Variants in DPP10 observed in about 807,000 individuals in gnomAD.
The protein encoded by DPP10 is dipeptidyl peptidase like 10.
A neutral mutation model predicts 120.9 loss-of-function variants in DPP10; 33 were observed. The ratio of observed to expected loss-of-function variants is 0.27; its 90% CI spans 0.21 to 0.37. DPP10 has a LOEUF of 0.37. DPP10 is among the 10% of genes least tolerant of loss of function. The pLI is 1.00. For missense variants in DPP10, 816 were observed against 942.8 expected (o/e 0.87, Z 1.76); for synonymous variants, 337 against 326.1 (o/e 1.03, Z -0.36).
chr2:114,625,987 G>A (rs1212778388), intron 1 of DPP10, among the ~76,000 whole-genome samples: 1 of 150,950 alleles, frequency 6.6e-6, no homozygotes, highest in Non-Finnish European at 1.5e-5. Flanking sequence ...TGACAGAGCA[G>A]AGGATACTTT....
intron 1 of DPP10, among the ~76,000 whole-genome samples, chr2:114,735,361 G>A (rs990428752): frequency 4.6e-5 from 7 of 152,062 alleles, no homozygotes; most frequent in East Asian, 1.9e-4. Flanking sequence ...AAAGGCAGGC[G>A]TGAATTTCTT....
At chr2:114,477,805 A>G (rs1007017126) in intron 1 of DPP10, among the ~76,000 whole-genome samples, 1 of 151,088 alleles carries the variant, frequency 6.6e-6, no homozygotes, top group African/African-American at 2.4e-5. Context: ...ATGCACATAT[A>G]CATACATATG....
chr2:114,882,395 A>G (rs1691717708), intron 1 of DPP10, among the ~76,000 whole-genome samples: 1 of 152,126 alleles, frequency 6.6e-6, no homozygotes, highest in South Asian at 2.1e-4. Context: ...TCTAAGTGAA[A>G]TAACTCAGGA....
At chr2:115,481,129 G>A (rs937391994) in intron 3 of DPP10, among the ~76,000 whole-genome samples, 4 of 152,110 alleles carry the variant, frequency 2.6e-5, no homozygotes, top group African/African-American at 9.7e-5. Flanking sequence ...GAAAATATAT[G>A]TTCAAAAGGA....
intron 3 of DPP10, among the ~76,000 whole-genome samples, chr2:115,479,260 T>C (rs2075283874): frequency 1.3e-5 from 2 of 152,102 alleles, no homozygotes; most frequent in African/African-American, 4.8e-5. Context: ...TGCTACAACA[T>C]GGATGAACCC....
At chr2:114,486,419 A>G (rs1054527397) in intron 1 of DPP10, among the ~76,000 whole-genome samples, 10 of 152,200 alleles carry the variant, frequency 6.6e-5, no homozygotes, top group South Asian at 4.1e-4. Context: ...TAATTTTTTA[A>G]TAATATTTTA....
At chr2:115,052,102 G>A (rs988072364) in intron 1 of DPP10, among the ~76,000 whole-genome samples, 4 of 152,156 alleles carry the variant, frequency 2.6e-5, no homozygotes, top group African/African-American at 9.7e-5. Context: ...TCAACAAACA[G>A]TGCTGAGACA....
At chr2:115,013,677 A>T (rs1702425922) in intron 1 of DPP10, among the ~76,000 whole-genome samples, 2 of 151,194 alleles carry the variant, frequency 1.3e-5, no homozygotes, top group Admixed American at 1.3e-4. Context: ...AAAAAAAAAA[A>T]AGTACAGGGG....
At chr2:115,330,626 G>A (rs1217314266) in intron 2 of DPP10, among the ~76,000 whole-genome samples, 3 of 151,966 alleles carry the variant, frequency 2.0e-5, no homozygotes, top group African/African-American at 7.2e-5. Flanking sequence ...GTGTAAGGAA[G>A]GGATCCAGTT....
intron 1 of DPP10, among the ~76,000 whole-genome samples, chr2:115,275,856 C>T (rs1163534840): frequency 6.6e-6 from 1 of 152,014 alleles, no homozygotes; most frequent in Non-Finnish European, 1.5e-5. Flanking sequence ...CCTGCCACCA[C>T]GCCCGGCTAA....
At chr2:115,537,859 G>T (rs2078951848) in intron 5 of DPP10, among the ~76,000 whole-genome samples, 1 of 151,930 alleles carries the variant, frequency 6.6e-6, no homozygotes, top group Non-Finnish European at 1.5e-5. Context: ...GCTGAGCTGG[G>T]AGCTATACTT....
At chr2:114,759,655 C>T (rs1240474224) in intron 1 of DPP10, among the ~76,000 whole-genome samples, 1 of 151,802 alleles carries the variant, frequency 6.6e-6, no homozygotes, top group Non-Finnish European at 1.5e-5. Flanking sequence ...GTACTTTGGA[C>T]CAGAAAAGCA....
At chr2:115,148,122 T>G (rs985798300) in intron 1 of DPP10, among the ~76,000 whole-genome samples, 1 of 152,196 alleles carries the variant, frequency 6.6e-6, no homozygotes, top group African/African-American at 2.4e-5. Context: ...CAAGAGGCAT[T>G]GTCACCTGAA....
intron 1 of DPP10, among the ~76,000 whole-genome samples, chr2:114,832,604 T>C (rs544815658): frequency 6.6e-6 from 1 of 152,268 alleles, no homozygotes; most frequent in Non-Finnish European, 1.5e-5. Context: ...TTTGGATTGC[T>C]GTAAAATATT....
At chr2:115,394,887 C>T (rs750857990) in intron 3 of DPP10, among the ~76,000 whole-genome samples, 8 of 151,986 alleles carry the variant, frequency 5.3e-5, no homozygotes, top group South Asian at 2.1e-4. Flanking sequence ...GAATAATTCT[C>T]GATAATCAAC....
intron 8 of DPP10, among the ~76,000 whole-genome samples, chr2:115,731,273 G>A (rs144465862): frequency 0.017 from 2,553 of 151,958 alleles, 62 homozygotes; most frequent in African/African-American, 0.056. Flanking sequence ...CAGGAAAATC[G>A]CTTGAACCAG....
chr2:115,043,608 G>A (rs546131480), intron 1 of DPP10, among the ~76,000 whole-genome samples: 5 of 152,160 alleles, frequency 3.3e-5, no homozygotes, highest in Admixed American at 6.5e-5. Context: ...AATTAACTGC[G>A]TTCTAGATTT....
At position 115,275,649 on chromosome 2, in the gene DPP10, A is replaced by G. The variant is rs935085415; in HGVS notation, c.61-33590A>G. ...AAAAGTTTCTTTTTAAACCTAAGCC[A>G]TGGGAACAATTCTTCAGTTTTCATT... is the stretch of plus-strand genomic sequence containing the variant. On this transcript the variant is annotated intron_variant, in intron 1 of 25. Coordinates refer to ENST00000410059, the MANE Select transcript of DPP10 (RefSeq NM_020868.6). Among the ~76,000 whole-genome samples the G allele has an allele frequency of 2.6e-5, 4 of 151,302 alleles. No individual in the cohort carries two copies. The East Asian group carries it at 5.8e-4, about 22-fold the overall frequency.
intron 2 of DPP10, among the ~76,000 whole-genome samples, chr2:115,337,995 T>G (rs1212147058): frequency 6.6e-6 from 1 of 152,092 alleles, no homozygotes; most frequent in Non-Finnish European, 1.5e-5. Flanking sequence ...TGAATTGCTT[T>G]GAAGGGTTGG....
Sources: allele counts gnomAD v4.1 joint callset (sites outside exome capture counted in the v4.1 genomes callset), GRCh38; gene constraint gnomAD v4.1.1; transcripts MANE v1.5; gene names NCBI Gene and HGNC (gene_info 2026-07-23, HGNC 2026-07-21).